The following SLC24A5 variants were observed in gnomAD, a reference collection of about 807,000 sequenced individuals.
The protein encoded by SLC24A5 is solute carrier family 24 member 5.
Under a neutral mutation model 51.6 loss-of-function variants are expected in SLC24A5, and 46 were observed. The ratio of observed to expected loss-of-function variants is 0.89; its 90% CI spans 0.70 to 1.14. The LOEUF is 1.14. Ranked by LOEUF, SLC24A5 falls within the 50% of genes most tolerant of loss-of-function variation. SLC24A5 has a pLI of 0.00. For synonymous variants in SLC24A5, 230 were observed against 214.9 expected (o/e 1.07, Z -0.62); for missense variants, 581 against 604.1 (o/e 0.96, Z 0.40).
chr15:48,123,217 G>C (rs2038697675), intron 2 of SLC24A5: 1 of 151,348 alleles, frequency 6.6e-6, no homozygotes, highest in Non-Finnish European at 1.5e-5. Context: ...TTCTTAAGTA[G>C]ATACAAACAT....
intron 5 of SLC24A5, 158 bp downstream of exon 5, chr15:48,135,142 T>C: frequency 3.6e-6 from 2 of 548,886 alleles, no homozygotes; most frequent in South Asian, 2.8e-5. Flanking sequence ...CAATTGCTGA[T>C]TGAGTTCTTC....
chr15:48,138,493 G>A (rs373806885), intron 6 of SLC24A5: 1 of 152,430 alleles, frequency 6.6e-6, no homozygotes, highest in Non-Finnish European at 1.5e-5. Context: ...TAGGATATGC[G>A]ACTTAATAAA....
Position 48,136,981 on chromosome 15 carries a change from C to T in SLC24A5, c.871+18C>T, listed in dbSNP as rs755754161. ...TTCTGAAGGTAATCACTAAATCTTG[C>T]CCATTATTAAGTCTATTCGCAAAGG... On this transcript the variant is annotated intron_variant, in intron 6 of 8. Transcript: ENST00000341459. 110 of 1,595,802 alleles carry T rather than the reference C, an allele frequency of 6.9e-5. No individual in the cohort carries two copies. Among genetic ancestry groups the T allele is most frequent in the Non-Finnish European group, 9.0e-5 (105 of 1,168,782 alleles).
At chr15:48,130,001 C>A (rs1227387805) in intron 2 of SLC24A5, among the ~76,000 whole-genome samples, 1 of 151,844 alleles carries the variant, frequency 6.6e-6, no homozygotes, top group Non-Finnish European at 1.5e-5. Context: ...TTTCAAAAAC[C>A]ATTATAAACT....
chr15:48,133,951 C>T (rs2038830636), intron 2 of SLC24A5, among the ~76,000 whole-genome samples: 2 of 151,988 alleles, frequency 1.3e-5, no homozygotes, highest in African/African-American at 4.8e-5. Context: ...TTTTCAAAGC[C>T]ATGCTGTTGC....
chr15:48,126,434 G>C (rs2140710855), intron 2 of SLC24A5, among the ~76,000 whole-genome samples: 1 of 152,320 alleles, frequency 6.6e-6, no homozygotes, highest in Non-Finnish European at 1.5e-5. Flanking sequence ...TGGTGTTGTA[G>C]AGGGGACACA....
chr15:48,122,160 G>C (rs1597248908), intron 2 of SLC24A5, 124 bp downstream of exon 2: 7 of 987,746 alleles, frequency 7.1e-6, no homozygotes, highest in South Asian at 1.3e-5. Flanking sequence ...CCAGCTTCTT[G>C]TTGTGGGGTC....
Position 48,139,062 on chromosome 15 carries a change from C to T in SLC24A5, c.965C>T (p.Thr322Ile), listed in dbSNP as rs2038974879. The T allele has an allele frequency of 6.2e-7, 1 of 1,612,916 alleles. No individual in the cohort carries two copies. The highest frequency in any genetic ancestry group is 1.1e-5 in the South Asian group (1 of 91,040). The change falls in exon 7 of 9, where the codon ACA becomes ATA. Residue 322 changes from threonine (T) to isoleucine (I), a missense_variant. Coordinates refer to ENST00000341459, the MANE Select transcript of SLC24A5 (RefSeq NM_205850.3). ...ATTATTACATTACTTTTTCTAACCA[C>T]ACCAGATTGTAGAAAAAAGTTTTGG... ...LPIITLLFLTTPDCRKKFWKN... is the reference protein window; with the variant it reads ...LPIITLLFLTIPDCRKKFWKN...
intron 1 of SLC24A5, among the ~76,000 whole-genome samples, chr15:48,121,510 C>T (rs1189420861): frequency 6.6e-6 from 1 of 152,082 alleles, no homozygotes; most frequent in Non-Finnish European, 1.5e-5. Context: ...AATGAGAAAA[C>T]GAAATTGTAT....
intron 6 of SLC24A5, 38 bp downstream of exon 6, chr15:48,137,001 C>T (rs760826119): frequency 1.3e-6 from 2 of 1,552,922 alleles, no homozygotes; most frequent in South Asian, 1.2e-5. Flanking sequence ...AGTCTATTCG[C>T]AAAGGAAAAA....
chr15:48,127,192 G>A (rs532212428), intron 2 of SLC24A5, among the ~76,000 whole-genome samples: 1 of 152,134 alleles, frequency 6.6e-6, no homozygotes, highest in African/African-American at 2.4e-5. Context: ...TGTGTGACAA[G>A]TGCACGAAGA....
At chr15:48,136,637 A>T (rs1248340950) in intron 5 of SLC24A5, 46 bp from the exon 6 acceptor site, 1 of 1,535,302 alleles carries the variant, frequency 6.5e-7, no homozygotes, top group Non-Finnish European at 8.8e-7. Flanking sequence ...TCAACTCTAA[A>T]ATGACTTTCA....
chr15:48,139,580 C>A (rs188057107), intron 7 of SLC24A5: 1 of 154,350 alleles, frequency 6.5e-6, no homozygotes, highest in South Asian at 1.9e-4. Flanking sequence ...TTTGGGAAAA[C>A]AATGGGTGCT....
intron 2 of SLC24A5, chr15:48,123,164 A>AATAT (rs759948031): frequency 1.3e-5 from 2 of 150,560 alleles, no homozygotes; most frequent in East Asian, 3.9e-4. Context: ...GAAAATATAT[A>AATAT]ATATATATAT....
intron 2 of SLC24A5, among the ~76,000 whole-genome samples, chr15:48,131,447 C>G (rs539800646): frequency 2.0e-5 from 3 of 151,988 alleles, no homozygotes; most frequent in African/African-American, 7.2e-5. Context: ...GGGGTTAATC[C>G]TTTCCTAGGG....
intron 8 of SLC24A5, chr15:48,141,420 T>A: frequency 2.9e-6 from 1 of 339,940 alleles, no homozygotes; most frequent in Non-Finnish European, 5.5e-6. Flanking sequence ...CTACTAAAAA[T>A]ACAAAAATTA....
At chr15:48,136,988 T>A in intron 6 of SLC24A5, 25 bp downstream of exon 6, 1 of 1,582,196 alleles carries the variant, frequency 6.3e-7, no homozygotes. Flanking sequence ...TTGCCCATTA[T>A]TAAGTCTATT....
Position 48,142,401 on chromosome 15 carries a change from G to C in SLC24A5, c.*50G>C, listed in dbSNP as rs1645624757. On this transcript the variant is annotated 3_prime_UTR_variant, in exon 9 of 9. Coordinates refer to ENST00000341459, the MANE Select transcript of SLC24A5 (RefSeq NM_205850.3). ...AATATGAATGGCAGGGAGGGGCAGA[G>C]AGAAAAATCCATTTCTTCATTTAAA... The C allele has an allele frequency of 1.6e-6, 2 of 1,242,206 alleles. No individual in the cohort carries two copies. Among genetic ancestry groups the C allele is most frequent in the East Asian group, 2.4e-5 (1 of 41,692 alleles). The allele number at this position is 1,242,206 out of a possible 1,614,324, so 76.9% of individuals were successfully genotyped here.
At chr15:48,125,738 A>G (rs568447963) in intron 2 of SLC24A5, among the ~76,000 whole-genome samples, 2 of 152,354 alleles carry the variant, frequency 1.3e-5, no homozygotes, top group South Asian at 2.1e-4. Flanking sequence ...ACACTTATCC[A>G]TAAGCTCCCA....
Sources: allele counts gnomAD v4.1 joint callset (sites outside exome capture counted in the v4.1 genomes callset), GRCh38; gene constraint gnomAD v4.1.1; transcripts MANE v1.5; gene names NCBI Gene and HGNC (gene_info 2026-07-23, HGNC 2026-07-21).